KDM4B: variants seen among roughly 807,000 people sequenced by gnomAD.
KDM4B encodes the protein lysine demethylase 4B, also known as lysine-specific demethylase 4B.
Under a neutral mutation model 125.2 loss-of-function variants are expected in KDM4B, and 32 were observed. The ratio of observed to expected loss-of-function variants is 0.26; its 90% CI spans 0.19 to 0.34. KDM4B has a LOEUF of 0.34. Ranked by LOEUF, KDM4B falls within the 10% of genes least tolerant of loss-of-function variation. The pLI is 1.00. For synonymous variants in KDM4B, 721 were observed against 677.9 expected (o/e 1.06, Z -0.99); for missense variants, 1,190 against 1,577.7 (o/e 0.75, Z 4.16).
Position 5,149,510 on chromosome 19 carries a change from T to C in KDM4B, c.3022-848T>C, listed in dbSNP as rs935097085. 3.9e-5 allele frequency among the ~76,000 whole-genome samples: 6 copies of C among 152,326 alleles called. No individual in the cohort carries two copies. In the East Asian group the frequency reaches 5.8e-4, roughly 15 times the overall value. On this transcript the variant is annotated intron_variant, in intron 21 of 22. Coordinates refer to ENST00000159111, the MANE Select transcript of KDM4B (RefSeq NM_015015.3). ...AATGTGAAAAGCGAGCCCTCTGATA[T>C]GGGAACCTTCTCCCCCTGGAGCAGA...
intron 6 of KDM4B, among the ~76,000 whole-genome samples, chr19:5,067,399 C>T (rs984913476): frequency 1.3e-5 from 2 of 152,208 alleles, no homozygotes; most frequent in African/African-American, 4.8e-5. Flanking sequence ...CCGCACCCTG[C>T]CCCTGGCTTA....
chr19:5,142,856 G>C lies in KDM4B; in HGVS notation c.2551-1111G>C, dbSNP rs992760239. Among the ~76,000 whole-genome samples, 1 of 152,064 alleles carries C rather than the reference G, an allele frequency of 6.6e-6. No individual in the cohort carries two copies. The highest frequency in any genetic ancestry group is 1.5e-5 in the Non-Finnish European group (1 of 68,024). On this transcript the variant is annotated intron_variant, in intron 18 of 22. Transcript: ENST00000159111. The surrounding 1 kb of genome is among the most constrained non-coding windows in gnomAD (Gnocchi z 5.4). The stretch of plus-strand genomic sequence containing the variant: ...ATCTGGCTTTTGAACGTGGTTTATA[G>C]AGTGGTGACGGTGCCGCTTATTAAA...
intron 9 of KDM4B, among the ~76,000 whole-genome samples, chr19:5,089,116 A>G (rs147632158): frequency 6.6e-6 from 1 of 152,272 alleles, no homozygotes; most frequent in Non-Finnish European, 1.5e-5. Flanking sequence ...GATGGCGAAG[A>G]TGGTCTCCCC....
intron 11 of KDM4B, among the ~76,000 whole-genome samples, chr19:5,126,661 G>GACC: frequency 6.6e-6 from 1 of 152,244 alleles, no homozygotes; most frequent in South Asian, 2.1e-4. Context: ...TGTCTGGAGG[G>GACC]CGGCCCCAGC....
At chr19:5,068,197 T>C (rs1431959413) in intron 6 of KDM4B, among the ~76,000 whole-genome samples, 1 of 151,934 alleles carries the variant, frequency 6.6e-6, no homozygotes, top group African/African-American at 2.4e-5. Flanking sequence ...CTTCGCTCTT[T>C]GGGGGCCTGG....
intron 9 of KDM4B, among the ~76,000 whole-genome samples, chr19:5,098,585 A>G (rs1211479143): frequency 1.3e-5 from 2 of 152,168 alleles, no homozygotes; most frequent in Non-Finnish European, 2.9e-5. Context: ...GAAAGGTGCC[A>G]TGGACTGAAG....
At chr19:5,110,000 C>T (rs981476276) in intron 9 of KDM4B, among the ~76,000 whole-genome samples, 19 of 152,204 alleles carry the variant, frequency 1.2e-4, no homozygotes, top group East Asian at 1.9e-4. Flanking sequence ...ACCTCAGCCT[C>T]GCTGGTCTCT....
intron 6 of KDM4B, among the ~76,000 whole-genome samples, chr19:5,054,006 G>T (rs1055410661): frequency 6.6e-6 from 1 of 152,252 alleles, no homozygotes. Flanking sequence ...TTCTGATGGC[G>T]ACTGTGGCCA....
At chr19:5,090,299 CG>C (rs1220036248) in intron 9 of KDM4B, among the ~76,000 whole-genome samples, 1 of 151,540 alleles carries the variant, frequency 6.6e-6, no homozygotes, top group Non-Finnish European at 1.5e-5. Flanking sequence ...GTACCCGGTT[CG>C]TTTTGAGAAG....
chr19:5,055,380 T>C (rs1430619438), intron 6 of KDM4B, among the ~76,000 whole-genome samples: 2 of 152,240 alleles, frequency 1.3e-5, no homozygotes, highest in East Asian at 3.9e-4. Context: ...CAGAGCAATT[T>C]TCATATCGCC....
intron 1 of KDM4B, among the ~76,000 whole-genome samples, chr19:4,977,143 A>G (rs1052608549): frequency 3.3e-5 from 5 of 151,946 alleles, no homozygotes; most frequent in African/African-American, 1.2e-4. Context: ...GATCTCAGCA[A>G]ACACGAGGGG....
chr19:5,142,330 G>GA lies in KDM4B; in HGVS notation c.2551-1635dup, dbSNP rs1448896947. On this transcript the variant is annotated intron_variant, in intron 18 of 22. Coordinates refer to ENST00000159111, the MANE Select transcript of KDM4B (RefSeq NM_015015.3). This position sits in a 1 kb window ranked among gnomAD's most constrained non-coding sequence, Gnocchi z 5.4. The stretch of plus-strand genomic sequence containing the variant: ...TCCCAGGAAGGGAGGTGACGGCCAA[G>GA]AACGCCTGCCCGACCTCCTGTGGCC... Among the ~76,000 whole-genome samples the GA allele has an allele frequency of 6.6e-6, 1 of 152,192 alleles. No homozygotes were observed. The highest frequency in any genetic ancestry group is 2.4e-5 in the African/African-American group (1 of 41,462).
Position 5,114,349 on chromosome 19 carries a change from C to A in KDM4B, c.1115+3531C>A. On this transcript the variant is annotated intron_variant, in intron 10 of 22. Coordinates refer to ENST00000159111, the MANE Select transcript of KDM4B (RefSeq NM_015015.3). This position sits in a 1 kb window ranked among gnomAD's most constrained non-coding sequence, Gnocchi z 5.8. Reference sequence around the variant, plus strand: ...CCCCTCCGAGCTCGGTGCTGCCTGTCCCCTCCTGCTCTGCCTTGGCCTGTC... The same window carrying A: ...CCCCTCCGAGCTCGGTGCTGCCTGTACCCTCCTGCTCTGCCTTGGCCTGTC... 2 of 726,246 alleles carry A rather than the reference C, an allele frequency of 2.8e-6. No homozygotes were observed. The highest frequency in any genetic ancestry group is 4.2e-6 in the Non-Finnish European group (2 of 474,174). The allele number at this position is 726,246 out of a possible 1,614,324, so 45.0% of individuals were successfully genotyped here.
intron 3 of KDM4B, among the ~76,000 whole-genome samples, chr19:5,037,165 C>T (rs2036654162): frequency 3.9e-5 from 6 of 152,192 alleles, no homozygotes; most frequent in Admixed American, 2.0e-4. Flanking sequence ...GAGGCGAATT[C>T]ACGGCTTCCC....
At position 5,039,451 on chromosome 19, in the gene KDM4B, T is replaced by TCAA. The variant is rs372611516; in HGVS notation, c.142-369_142-367dup. On this transcript the variant is annotated intron_variant, in intron 3 of 22. Transcript: ENST00000159111. The stretch of plus-strand genomic sequence containing the variant: ...GCCTGAGTGACAGCAAGACCCTGTC[T>TCAA]CAACAACAACAACAACAAATGCCTC... Among the ~76,000 whole-genome samples, 1,488 of 152,064 alleles carry TCAA rather than the reference T, an allele frequency of 9.8e-3. 22 individuals are homozygous for TCAA. The highest frequency in any genetic ancestry group is 0.032 in the African/African-American group (1,337 of 41,460).
chr19:5,002,785 C>T (rs1306846309), intron 1 of KDM4B, among the ~76,000 whole-genome samples: 2 of 151,606 alleles, frequency 1.3e-5, no homozygotes, highest in Non-Finnish European at 2.9e-5. Context: ...CCCATCTCTA[C>T]AAAAAAGAAA....
At chr19:5,057,723 C>G (rs559795859) in intron 6 of KDM4B, among the ~76,000 whole-genome samples, 1 of 152,304 alleles carries the variant, frequency 6.6e-6, no homozygotes, top group East Asian at 1.9e-4. Context: ...AGGAGGGCAG[C>G]GGGTCCTGGG....
At chr19:5,050,410 C>T (rs570447189) in intron 6 of KDM4B, among the ~76,000 whole-genome samples, 14 of 152,394 alleles carry the variant, frequency 9.2e-5, no homozygotes, top group African/African-American at 1.7e-4. Flanking sequence ...AACTTCCCCC[C>T]GCCAACTTCC....
At chr19:5,121,875 G>A (rs2039368173) in intron 11 of KDM4B, among the ~76,000 whole-genome samples, 1 of 152,046 alleles carries the variant, frequency 6.6e-6, no homozygotes, top group Non-Finnish European at 1.5e-5. Context: ...CCTTCCAGAA[G>A]GCAGGGCTTG....
Sources: allele counts gnomAD v4.1 joint callset (sites outside exome capture counted in the v4.1 genomes callset), GRCh38; gene constraint gnomAD v4.1.1; non-coding constraint Gnocchi (gnomAD v3.1); transcripts MANE v1.5; gene names NCBI Gene and HGNC (gene_info 2026-07-23, HGNC 2026-07-21).